GRM7: variants seen among roughly 807,000 people sequenced by gnomAD.
The protein encoded by GRM7 is glutamate metabotropic receptor 7.
A neutral mutation model predicts 84.5 loss-of-function variants in GRM7; 35 were observed. The observed-to-expected ratio is 0.41, with a 90% CI of 0.32 to 0.55. GRM7 has a LOEUF of 0.55. Among genes scored for constraint, GRM7 ranks in the 20% least tolerant of loss-of-function variants. The pLI is 0.19. For synonymous variants in GRM7, 487 were observed against 455.1 expected, an observed-to-expected ratio of 1.07 and a Z score of -0.89; for missense variants, 1,003 against 1,194.6, an observed-to-expected ratio of 0.84 and a Z score of 2.36.
chr3:7,639,929 A>T (rs1290426554), intron 8 of GRM7, among the ~76,000 whole-genome samples: 2 of 152,210 alleles, frequency 1.3e-5, no homozygotes, highest in Non-Finnish European at 2.9e-5. Flanking sequence ...GTGCTTGAAC[A>T]TCATATGAAT....
intron 8 of GRM7, among the ~76,000 whole-genome samples, chr3:7,664,539 C>A (rs765024180): frequency 1.3e-5 from 2 of 152,134 alleles, no homozygotes; most frequent in Non-Finnish European, 2.9e-5. Flanking sequence ...GCTTTAAGTT[C>A]TAAGGTACAT....
At chr3:7,123,533 C>T (rs551097814) in intron 1 of GRM7, among the ~76,000 whole-genome samples, 148 of 152,140 alleles carry the variant, frequency 9.7e-4, no homozygotes, top group African/African-American at 3.4e-3. Context: ...GCAGGAGAAT[C>T]GCTTGAACCC....
intron 7 of GRM7, among the ~76,000 whole-genome samples, chr3:7,479,611 T>C (rs1489525667): frequency 6.6e-6 from 1 of 152,232 alleles, no homozygotes; most frequent in African/African-American, 2.4e-5. Flanking sequence ...AACTTTTTAA[T>C]CACTCACTGT....
At chr3:7,494,264 A>G (rs1260332348) in intron 7 of GRM7, among the ~76,000 whole-genome samples, 1 of 152,178 alleles carries the variant, frequency 6.6e-6, no homozygotes, top group Non-Finnish European at 1.5e-5. Flanking sequence ...TACAGTGAGC[A>G]GTTATCTTCT....
At chr3:6,997,449 A>G (rs1434593957) in intron 1 of GRM7, among the ~76,000 whole-genome samples, 1 of 152,182 alleles carries the variant, frequency 6.6e-6, no homozygotes, top group Non-Finnish European at 1.5e-5. Flanking sequence ...CCTTCTTCAC[A>G]TGACAGTAGC....
intron 5 of GRM7, among the ~76,000 whole-genome samples, chr3:7,444,654 T>C (rs761729380): frequency 2.0e-5 from 3 of 152,128 alleles, no homozygotes; most frequent in Non-Finnish European, 4.4e-5. Flanking sequence ...ATTCCTCCTT[T>C]CAACCTCAGT....
chr3:6,881,202 G>A (rs1695495442), intron 1 of GRM7, among the ~76,000 whole-genome samples: 1 of 152,064 alleles, frequency 6.6e-6, no homozygotes, highest in African/African-American at 2.4e-5. Flanking sequence ...GGGTAAATGT[G>A]TGCCATGGTG....
At chr3:6,867,948 T>C (rs1299916436) in intron 1 of GRM7, among the ~76,000 whole-genome samples, 1 of 152,210 alleles carries the variant, frequency 6.6e-6, no homozygotes, top group African/African-American at 2.4e-5. Flanking sequence ...ATTATTAGAT[T>C]ACAAAATCAA....
chr3:7,091,958 A>T (rs969734081), intron 1 of GRM7, among the ~76,000 whole-genome samples: 10 of 151,472 alleles, frequency 6.6e-5, no homozygotes, highest in Non-Finnish European at 1.2e-4. Flanking sequence ...TAATTTTCTC[A>T]TTTGAAAAAT....
chr3:7,473,489 GGAGAGAGA>G (rs372898836), intron 7 of GRM7, among the ~76,000 whole-genome samples: 2,098 of 126,392 alleles, frequency 0.017, 29 homozygotes, highest in African/African-American at 0.041. Flanking sequence ...AAAACGAGAG[GGAGAGAGA>G]GAGAGAGAGA....
chr3:7,728,614 C>T (rs954563513), intron 9 of GRM7, among the ~76,000 whole-genome samples: 10 of 152,188 alleles, frequency 6.6e-5, no homozygotes, highest in Non-Finnish European at 1.5e-4. Flanking sequence ...TCTTTATTAT[C>T]TTGACTTACC....
intron 7 of GRM7, among the ~76,000 whole-genome samples, chr3:7,508,634 T>C (rs1236420336): frequency 6.6e-6 from 1 of 152,196 alleles, no homozygotes; most frequent in East Asian, 1.9e-4. Context: ...AGCAATCATT[T>C]AAGCTAGTTT....
chr3:7,216,155 C>T (rs1460353455), intron 2 of GRM7, among the ~76,000 whole-genome samples: 1 of 152,120 alleles, frequency 6.6e-6, no homozygotes. Context: ...TTATCTCTGT[C>T]TGCTATTTCT....
At chr3:6,970,909 G>A (rs934519435) in intron 1 of GRM7, among the ~76,000 whole-genome samples, 2 of 152,130 alleles carry the variant, frequency 1.3e-5, no homozygotes, top group African/African-American at 2.4e-5. Flanking sequence ...GTGAACCCGG[G>A]AGGCTGAGGT....
intron 1 of GRM7, among the ~76,000 whole-genome samples, chr3:7,078,469 G>A (rs1005369130): frequency 6.6e-6 from 1 of 152,178 alleles, no homozygotes; most frequent in African/African-American, 2.4e-5. Flanking sequence ...GTGGTTAATT[G>A]AGATGCTGCC....
At chr3:7,579,566 G>A (rs1695143577) in intron 8 of GRM7, among the ~76,000 whole-genome samples, 6 of 152,156 alleles carry the variant, frequency 3.9e-5, no homozygotes, top group Admixed American at 3.3e-4. Flanking sequence ...CCAACCAGAT[G>A]TAGCCTTTTC....
intron 1 of GRM7, among the ~76,000 whole-genome samples, chr3:7,026,642 T>C (rs1026690496): frequency 6.6e-6 from 1 of 152,230 alleles, no homozygotes; most frequent in South Asian, 2.1e-4. Context: ...TGCAAATGCA[T>C]GCCCAGAAAT....
intron 8 of GRM7, among the ~76,000 whole-genome samples, chr3:7,639,782 T>C (rs1380070657): frequency 6.6e-6 from 1 of 152,168 alleles, no homozygotes; most frequent in African/African-American, 2.4e-5. Context: ...TTGACAAATG[T>C]GTACACTTAT....
intron 3 of GRM7, among the ~76,000 whole-genome samples, chr3:7,303,424 T>A (rs574554414): frequency 3.6e-4 from 55 of 152,238 alleles, no homozygotes; most frequent in Non-Finnish European, 2.9e-4. Context: ...TGTGTACGTG[T>A]TACAATTTTT....
Sources: allele counts gnomAD v4.1 joint callset (sites outside exome capture counted in the v4.1 genomes callset), GRCh38; gene constraint gnomAD v4.1.1; transcripts MANE v1.5; gene names NCBI Gene and HGNC (gene_info 2026-07-23, HGNC 2026-07-21).